The following ZNF273 variants were observed in gnomAD, a reference collection of about 807,000 sequenced individuals.
The protein encoded by ZNF273 is zinc finger protein 273, also known as zinc finger protein 9.
ZNF273 carries 11 observed loss-of-function variants against 14.9 expected under a neutral mutation model. The ratio of observed to expected loss-of-function variants is 0.74; its 90% CI spans 0.46 to 1.22. The LOEUF (loss-of-function observed/expected upper bound fraction) is 1.22, where lower values mean the gene tolerates loss of function less well. Among genes scored for constraint, ZNF273 ranks in the 50% most tolerant of loss-of-function variants. The pLI is 0.00. For synonymous variants in ZNF273, 199 were observed against 223.9 expected (o/e 0.89, Z 0.99); for missense variants, 577 against 660.6 (o/e 0.87, Z 1.39).
At chr7:64,931,475 G>A (rs531901609), downstream of ZNF273, among the ~76,000 whole-genome samples, 2 of 152,102 alleles carry the variant, frequency 1.3e-5, no homozygotes, top group South Asian at 4.1e-4. Context: ...AAATTTAGTA[G>A]TGCACAAAAA....
downstream of ZNF273, among the ~76,000 whole-genome samples, chr7:64,893,051 G>C (rs1051161335): frequency 6.6e-6 from 1 of 152,036 alleles, no homozygotes; most frequent in Non-Finnish European, 1.5e-5. Context: ...ACCCTTCCAA[G>C]CTTCCAGCTT....
intron 3 of ZNF273, chr7:64,924,439 TTC>T (rs1394238485): frequency 1.3e-5 from 2 of 152,206 alleles, no homozygotes; most frequent in Non-Finnish European, 2.9e-5. Flanking sequence ...AATTATATTG[TTC>T]TCTATGTGTT....
chr7:64,889,922 C>G, downstream of ZNF273: 1 of 217,218 alleles, frequency 4.6e-6, no homozygotes, highest in Non-Finnish European at 7.4e-6. The surrounding 1 kb of genome is among the most constrained non-coding windows in gnomAD (Gnocchi z 4.2). Context: ...CTCCAGGACC[C>G]TCTATCTGGT....
downstream of ZNF273, among the ~76,000 whole-genome samples, chr7:64,931,268 T>G (rs1253413848): frequency 1.3e-5 from 2 of 152,130 alleles, no homozygotes; most frequent in East Asian, 3.8e-4. Context: ...AAATCTATAC[T>G]CTCTCTGCTT....
At chr7:64,893,035 G>T (rs1037007407), downstream of ZNF273, among the ~76,000 whole-genome samples, 1 of 152,098 alleles carries the variant, frequency 6.6e-6, no homozygotes, top group African/African-American at 2.4e-5. Flanking sequence ...ACAGCTGCCG[G>T]CATTCACCCT....
intron 1 of ZNF273, among the ~76,000 whole-genome samples, chr7:64,907,197 ATG>A (rs1326170912): frequency 2.0e-5 from 3 of 152,132 alleles, no homozygotes; most frequent in African/African-American, 7.2e-5. Flanking sequence ...AGAAAAGGAA[ATG>A]TGGAGTCTGT....
At chr7:64,878,793 C>T (rs1791181785) in intron 2 of ZNF273, among the ~76,000 whole-genome samples, 2 of 152,202 alleles carry the variant, frequency 1.3e-5, no homozygotes, top group South Asian at 4.1e-4. Flanking sequence ...TCTGGACTTC[C>T]CTTTTCCTGA....
At chr7:64,915,934 G>C (rs1477683804) in intron 1 of ZNF273, among the ~76,000 whole-genome samples, 1 of 151,418 alleles carries the variant, frequency 6.6e-6, no homozygotes, top group Non-Finnish European at 1.5e-5. Flanking sequence ...GATGGTTCAT[G>C]CCTGTAATCC....
rs1397291364 is a variant in ZNF273, at chr7:64,930,868, T to G, written c.*1830T>G. ...GTATCCCTTACTAGCATTTATCCTT[T>G]GTATTTTATTTTAAAATGTACAACT... is the stretch of plus-strand genomic sequence containing the variant. On this transcript the variant is annotated 3_prime_UTR_variant, in exon 4 of 4. Transcript: ENST00000476120. 1 of 152,142 alleles carries G rather than the reference T, an allele frequency of 6.6e-6. No homozygotes were observed. The highest frequency in any genetic ancestry group is 1.5e-5 in the Non-Finnish European group (1 of 67,984). The allele number at this position is 152,142 out of a possible 1,614,324, so 9.4% of individuals were successfully genotyped here. A position where few individuals can be genotyped will look rare whatever the true frequency, so the allele number is the denominator to read the frequency against.
intron 1 of ZNF273, among the ~76,000 whole-genome samples, chr7:64,912,832 T>TGTTGTTG (rs1554386326): frequency 0.088 from 5,342 of 60,764 alleles, 1,374 homozygotes; most frequent in Non-Finnish European, 0.13. Flanking sequence ...TTTAGTTTTT[T>TGTTGTTG]TTTTTTTTTT....
downstream of ZNF273, chr7:64,889,102 G>T (rs753232163): frequency 2.1e-5 from 21 of 985,858 alleles, no homozygotes; most frequent in Non-Finnish European, 1.9e-5. The surrounding 1 kb of genome is among the most constrained non-coding windows in gnomAD (Gnocchi z 4.2). Flanking sequence ...CACAGTCCGG[G>T]CTCCGGGAGC....
At chr7:64,897,218 T>C (rs944742414) in intron 3 of ZNF273, 3 of 152,232 alleles carry the variant, frequency 2.0e-5, no homozygotes, top group African/African-American at 7.2e-5. Flanking sequence ...GAGTCAAAAC[T>C]TAATGTTGGT....
At chr7:64,907,985 C>T (rs1189611933) in intron 1 of ZNF273, among the ~76,000 whole-genome samples, 1 of 152,218 alleles carries the variant, frequency 6.6e-6, no homozygotes, top group Non-Finnish European at 1.5e-5. Context: ...GACTAGGAAC[C>T]ACCCTCAGGA....
At chr7:64,902,713 CAG>C (rs35692753), upstream of ZNF273, among the ~76,000 whole-genome samples, 62,031 of 151,880 alleles carry the variant, frequency 0.41, 12,885 homozygotes, top group South Asian at 0.45. Flanking sequence ...CCGAAAGAGA[CAG>C]AGAGAGAGAA....
chr7:64,917,136 T>A (rs772744952), intron 1 of ZNF273: 2 of 1,268,788 alleles, frequency 1.6e-6, no homozygotes, highest in South Asian at 1.3e-5. Context: ...TGTTAAAAAT[T>A]TGGAAACTCA....
At chr7:64,914,705 A>G (rs1453481419) in intron 1 of ZNF273, among the ~76,000 whole-genome samples, 3 of 152,078 alleles carry the variant, frequency 2.0e-5, no homozygotes, top group Admixed American at 6.5e-5. Flanking sequence ...GGAGTAGCTC[A>G]TTGTTCCTGA....
At chr7:64,934,390 AC>A (rs1430272237), downstream of ZNF273, among the ~76,000 whole-genome samples, 4 of 152,182 alleles carry the variant, frequency 2.6e-5, no homozygotes, top group African/African-American at 9.7e-5. Context: ...CAAAAGAATT[AC>A]TGCCTAGACC....
chr7:64,930,910 C>T lies in ZNF273; in HGVS notation c.*1872C>T, dbSNP rs1279745219. On this transcript the variant is annotated 3_prime_UTR_variant, in exon 4 of 4. Transcript: ENST00000476120. ...TGTACAACTAAATTGTTATGGACTA[C>T]AGGGTTATTTTTATGGTCATAATAA... The T allele has an allele frequency of 6.6e-6, 1 of 151,930 alleles. No individual in the cohort carries two copies. Among genetic ancestry groups the T allele is most frequent in the African/African-American group, 2.4e-5 (1 of 41,376 alleles). The allele number at this position is 151,930 out of a possible 1,614,324, so 9.4% of individuals were successfully genotyped here.
At chr7:64,906,672 G>A (rs1415033130) in intron 1 of ZNF273, among the ~76,000 whole-genome samples, 1 of 130,734 alleles carries the variant, frequency 7.6e-6, no homozygotes, top group African/African-American at 2.9e-5. Flanking sequence ...CAGCCATGAA[G>A]AAGCCTTTAT....
Sources: gnomAD v4.1 joint callset for allele counts (sites outside exome capture counted in the v4.1 genomes callset) on GRCh38, gnomAD v4.1.1 for gene constraint, Gnocchi (gnomAD v3.1) non-coding constraint, MANE v1.5 for transcripts, NCBI Gene and HGNC (gene_info 2026-07-23, HGNC 2026-07-21) for gene names.